COL9A1: variants seen among roughly 807,000 people sequenced by gnomAD.
COL9A1 encodes the protein collagen alpha-1(IX) chain.
In COL9A1, 104 loss-of-function variants were observed where a neutral mutation model predicts 142.6. The observed-to-expected ratio is 0.73, with a 90% CI of 0.62 to 0.86. COL9A1 has a LOEUF of 0.86. Ranked by LOEUF, COL9A1 falls within the 40% of genes least tolerant of loss-of-function variation. COL9A1 has a pLI of 0.00. For synonymous variants in COL9A1, 466 were observed against 396.0 expected (o/e 1.18, Z -2.10); for missense variants, 1,210 against 1,176.6 (o/e 1.03, Z -0.42).
At chr6:70,292,176 A>G (rs1157799155) in intron 5 of COL9A1, among the ~76,000 whole-genome samples, 1 of 152,312 alleles carries the variant, frequency 6.6e-6, no homozygotes, top group African/African-American at 2.4e-5. Flanking sequence ...GTTTTGGCCT[A>G]TAACCTTGAT....
chr6:70,287,099 T>G (rs934809522), intron 5 of COL9A1, among the ~76,000 whole-genome samples: 1 of 152,142 alleles, frequency 6.6e-6, no homozygotes, highest in African/African-American at 2.4e-5. Flanking sequence ...CGCGCATATA[T>G]GTGCATGCAC....
At chr6:70,240,912 T>C (rs958357980) in intron 31 of COL9A1, among the ~76,000 whole-genome samples, 179 bp from the exon 32 acceptor site, 23 of 151,754 alleles carry the variant, frequency 1.5e-4, no homozygotes, top group Non-Finnish European at 2.9e-4. Flanking sequence ...AATCAGAAAA[T>C]AGCGGAGAGG....
chr6:70,268,576 T>C (rs550108257), intron 17 of COL9A1, among the ~76,000 whole-genome samples: 17 of 152,320 alleles, frequency 1.1e-4, no homozygotes, highest in African/African-American at 2.9e-4. Flanking sequence ...ATGTATTTTA[T>C]TGGTATTTCT....
At chr6:70,232,833 A>G in intron 35 of COL9A1, 62 bp from the exon 36 acceptor site, 1 of 1,513,178 alleles carries the variant, frequency 6.6e-7, no homozygotes, top group Non-Finnish European at 9.0e-7. Flanking sequence ...TTCTAATGAA[A>G]AGAGAGGTAT....
At chr6:70,302,740 C>T (rs1240548699) in intron 1 of COL9A1, among the ~76,000 whole-genome samples, 171 bp downstream of exon 1, 1 of 151,978 alleles carries the variant, frequency 6.6e-6, no homozygotes, top group Non-Finnish European at 1.5e-5. Context: ...TGTCTGTCTT[C>T]GGTTTCTCAC....
Position 70,294,073 on chromosome 6 carries a change from C to T in COL9A1, c.696+94G>A, listed in dbSNP as rs958990356. 5 of 1,484,284 alleles carry T rather than the reference C, an allele frequency of 3.4e-6. No homozygotes were observed. In the South Asian group the frequency reaches 3.4e-5, roughly 10 times the overall value. 91.9% of individuals were successfully genotyped at this position (1,484,284 alleles called of 1,614,324 possible). The stretch of plus-strand genomic sequence containing the variant: ...GATTCCAAATTCCATCTGGGACATG[C>T]TGCACTCAGCTGATTATCAAAGATG... On this transcript the variant is annotated intron_variant, in intron 5 of 37. Transcript: ENST00000357250.
At chr6:70,298,424 T>G (rs1485552371) in intron 4 of COL9A1, among the ~76,000 whole-genome samples, 1 of 152,250 alleles carries the variant, frequency 6.6e-6, no homozygotes, top group Non-Finnish European at 1.5e-5. Flanking sequence ...ACTTTCCTCC[T>G]TCTCTTTTTA....
intron 37 of COL9A1, among the ~76,000 whole-genome samples, chr6:70,217,888 C>T (rs1187163710): frequency 6.6e-6 from 1 of 152,156 alleles, no homozygotes; most frequent in Admixed American, 6.5e-5. Flanking sequence ...TGCCTGTAAT[C>T]CCAGCACTTT....
intron 27 of COL9A1, 22 bp downstream of exon 27, chr6:70,252,240 G>A (rs1190179880): frequency 2.5e-6 from 4 of 1,614,136 alleles, no homozygotes; most frequent in East Asian, 2.2e-5. Flanking sequence ...AGAACTTCAG[G>A]AGAGGTAAAA....
chr6:70,228,579 T>G (rs2127554768), intron 36 of COL9A1, among the ~76,000 whole-genome samples: 1 of 152,252 alleles, frequency 6.6e-6, no homozygotes, highest in East Asian at 1.9e-4. Flanking sequence ...AAAAACAAAG[T>G]CATGTACACA....
At chr6:70,293,625 TCTC>T (rs1773731538) in intron 5 of COL9A1, among the ~76,000 whole-genome samples, 10 of 138,056 alleles carry the variant, frequency 7.2e-5, no homozygotes, top group South Asian at 2.4e-4. Context: ...CCTCTCTCTC[TCTC>T]TTTCACACAC....
chr6:70,251,985 A>C (rs1047521936), intron 28 of COL9A1, 135 bp downstream of exon 28: 10 of 940,316 alleles, frequency 1.1e-5, no homozygotes, highest in Admixed American at 1.7e-5. Flanking sequence ...ATAGCATTTC[A>C]TCTCCTTGTG....
intron 14 of COL9A1, among the ~76,000 whole-genome samples, chr6:70,270,854 T>G (rs1314919322): frequency 6.6e-6 from 1 of 152,222 alleles, no homozygotes; most frequent in Non-Finnish European, 1.5e-5. Context: ...GGTCTGTCAC[T>G]GCACCTCTTG....
chr6:70,256,812 C>T lies in COL9A1; in HGVS notation c.1459G>A (p.Gly487Ser). Reference sequence around the variant, plus strand: ...TGAGGCCCAGGTTCACCATCTAAGCCCCGAGCACCCTGCAAAAAAACAAGA... The same window carrying T: ...TGAGGCCCAGGTTCACCATCTAAGCTCCGAGCACCCTGCAAAAAAACAAGA... ...VGDKGEKGAR[G>S]LDGEPGPQGL... The change falls in exon 21 of 38, where the codon GGC becomes AGC. Residue 487 changes from glycine (G) to serine (S), a missense_variant. By Grantham distance (56) the Gly-to-Ser change is moderately conservative. Coordinates refer to ENST00000357250, the MANE Select transcript of COL9A1 (RefSeq NM_001851.6). The T allele has an allele frequency of 6.2e-7, 1 of 1,613,488 alleles. No individual in the cohort carries two copies. The highest frequency in any genetic ancestry group is 8.5e-7 in the Non-Finnish European group (1 of 1,179,928).
intron 33 of COL9A1, among the ~76,000 whole-genome samples, chr6:70,235,260 C>A (rs1769833256): frequency 6.6e-6 from 1 of 152,106 alleles, no homozygotes; most frequent in African/African-American, 2.4e-5. Context: ...TGAGACCAGG[C>A]TGGCCAATAT....
At chr6:70,249,670 A>C (rs16868814) in intron 28 of COL9A1, among the ~76,000 whole-genome samples, 1 of 152,148 alleles carries the variant, frequency 6.6e-6, no homozygotes, top group East Asian at 1.9e-4. Flanking sequence ...GCAAGAATTT[A>C]GACTCTTACA....
chr6:70,227,442 A>AAAG (rs1170804675), intron 36 of COL9A1, among the ~76,000 whole-genome samples: 1 of 150,534 alleles, frequency 6.6e-6, no homozygotes, highest in Non-Finnish European at 1.5e-5. Flanking sequence ...AAAAAAAAAA[A>AAAG]AAAAAAGGAT....
intron 35 of COL9A1, 91 bp from the exon 36 acceptor site, chr6:70,232,862 TA>T (rs1040487573): frequency 2.4e-6 from 3 of 1,254,800 alleles, no homozygotes; most frequent in Non-Finnish European, 3.4e-6. Context: ...CCTTTTTTTC[TA>T]AATGTGTCAC....
intron 21 of COL9A1, among the ~76,000 whole-genome samples, chr6:70,255,724 T>A (rs13212724): frequency 0.16 from 25,080 of 152,180 alleles, 2,253 homozygotes; most frequent in Non-Finnish European, 0.21. Context: ...TCATTGACTG[T>A]TATAGAGGTT....
Sources: gnomAD v4.1 joint callset for allele counts (sites outside exome capture counted in the v4.1 genomes callset) on GRCh38, gnomAD v4.1.1 for gene constraint, MANE v1.5 for transcripts, NCBI Gene and HGNC (gene_info 2026-07-23, HGNC 2026-07-21) for gene names.